The following UBA5 variants were observed in gnomAD, a reference collection of about 807,000 sequenced individuals.
The protein encoded by UBA5 is ubiquitin like modifier activating enzyme 5.
In UBA5, 28 loss-of-function variants were observed where a neutral mutation model predicts 52.9. That is an observed-to-expected ratio of 0.53 (90% CI 0.39 to 0.73). UBA5 has a LOEUF of 0.73. UBA5 is among the 30% of genes least tolerant of loss of function. The pLI is 0.00. For synonymous variants in UBA5, 135 were observed against 162.1 expected, an observed-to-expected ratio of 0.83 and a Z score of 1.27; for missense variants, 388 against 492.7, an observed-to-expected ratio of 0.79 and a Z score of 2.01.
chr3:132,674,358 C>G (rs905879133), intron 8 of UBA5, among the ~76,000 whole-genome samples: 2 of 152,054 alleles, frequency 1.3e-5, no homozygotes, highest in Non-Finnish European at 2.9e-5. Context: ...TTACTTTTAA[C>G]AAAAACTGCA....
chr3:132,676,388 C>A lies in UBA5; in HGVS notation c.1132-55C>A, dbSNP rs184862333. 3.1e-4 allele frequency: 420 copies of A among 1,373,250 alleles called. 4 individuals are homozygous for A. In the African/African-American group the frequency reaches 4.4e-3, roughly 14 times the overall value. The allele number at this position is 1,373,250 out of a possible 1,614,324, so 85.1% of individuals were successfully genotyped here. On this transcript the variant is annotated intron_variant, in intron 11 of 11. Coordinates refer to ENST00000356232, the MANE Select transcript of UBA5 (RefSeq NM_024818.6). The surrounding 1 kb of genome is among the most constrained non-coding windows in gnomAD (Gnocchi z 4.1). Reference sequence around the variant, plus strand: ...AACTTGCTGATTATATATTCCTAAGCATCAAGAATTCTATATGGTTCTTTT... The same window carrying A: ...AACTTGCTGATTATATATTCCTAAGAATCAAGAATTCTATATGGTTCTTTT...
intron 9 of UBA5, 61 bp from the exon 10 acceptor site, chr3:132,675,544 A>G: frequency 6.5e-7 from 1 of 1,541,748 alleles, no homozygotes; most frequent in Non-Finnish European, 8.8e-7. Flanking sequence ...TGAATTCTTG[A>G]TTAATGCTTT....
chr3:132,662,826 G>A (rs1308661566), intron 1 of UBA5, among the ~76,000 whole-genome samples: 1 of 152,158 alleles, frequency 6.6e-6, no homozygotes, highest in Non-Finnish European at 1.5e-5. Context: ...CTGATTTTGG[G>A]CAGTTGATTA....
intron 1 of UBA5, among the ~76,000 whole-genome samples, chr3:132,662,581 C>T (rs1938214037): frequency 6.6e-6 from 1 of 152,176 alleles, no homozygotes; most frequent in Admixed American, 6.5e-5. Flanking sequence ...TGTATGTGTT[C>T]AACACCATTT....
At chr3:132,675,470 A>G (rs1938796524) in intron 9 of UBA5, 87 bp downstream of exon 9, 3 of 1,540,574 alleles carry the variant, frequency 1.9e-6, no homozygotes, top group Non-Finnish European at 2.7e-6. Flanking sequence ...TAAATGGTTA[A>G]TTTATTCACC....
In UBA5 at chr3:132,678,735, C is replaced by T. The variant is rs1009283913; in HGVS notation, c.*2209C>T. ...CACGATCTCAGCTCACCACATCCTC[C>T]GCCTCCCAGGTTCAAGCGATTCTCC... On this transcript the variant is annotated 3_prime_UTR_variant, in exon 12 of 12. Coordinates refer to ENST00000356232, the MANE Select transcript of UBA5 (RefSeq NM_024818.6). Among the ~76,000 whole-genome samples the T allele has an allele frequency of 2.6e-5, 4 of 151,930 alleles. No homozygotes were observed. Among genetic ancestry groups the T allele is most frequent in the Admixed American group, 6.6e-5 (1 of 15,246 alleles).
At chr3:132,672,411 G>A (rs1938644530) in intron 8 of UBA5, among the ~76,000 whole-genome samples, 1 of 151,994 alleles carries the variant, frequency 6.6e-6, no homozygotes, top group African/African-American at 2.4e-5. Context: ...ATACATGTGT[G>A]CATATTCATA....
chr3:132,659,328 A>G, upstream of UBA5: 1 of 435,254 alleles, frequency 2.3e-6, no homozygotes, highest in East Asian at 4.9e-5. Context: ...GCCTTGGTGA[A>G]TCCTCAAGGG....
intron 8 of UBA5, among the ~76,000 whole-genome samples, chr3:132,674,859 A>G (rs906204997): frequency 1.3e-5 from 2 of 152,242 alleles, no homozygotes; most frequent in Non-Finnish European, 2.9e-5. Context: ...AAAATTAAGT[A>G]GCTTTCTTAA....
At chr3:132,673,647 C>T (rs1307851861) in intron 8 of UBA5, among the ~76,000 whole-genome samples, 2 of 151,274 alleles carry the variant, frequency 1.3e-5, no homozygotes, top group Admixed American at 1.3e-4. Flanking sequence ...TGTGCCCAGC[C>T]TAGAGTTTTC....
Position 132,675,679 on chromosome 3 carries a change from G to T in UBA5, c.1023G>T (p.Trp341Cys). Residue 341 changes from tryptophan to cysteine, a missense_variant and splice_region_variant, in exon 10 of 12, where the codon TGG becomes TGT. Trp to Cys is a radical substitution (Grantham distance 215, BLOSUM62 -2). Coordinates refer to ENST00000356232, the MANE Select transcript of UBA5 (RefSeq NM_024818.6). ...EEEIIHEDNEWGIELVSEVSE... is the reference protein window; with the variant it reads ...EEEIIHEDNECGIELVSEVSE... ...AGATAATCCATGAAGATAATGAATG[G>T]GGTAGGTATTCTTTTATAAATTGAA... 1 of 1,606,476 alleles carries T rather than the reference G, an allele frequency of 6.2e-7. No individual in the cohort carries two copies. Among genetic ancestry groups the T allele is most frequent in the South Asian group, 1.1e-5 (1 of 89,986 alleles).
chr3:132,664,609 A>G (rs1418101036), intron 1 of UBA5, among the ~76,000 whole-genome samples: 1 of 152,164 alleles, frequency 6.6e-6, no homozygotes, highest in Admixed American at 6.5e-5. Flanking sequence ...GTGGGTGATT[A>G]TAGGGTAGGG....
chr3:132,660,849 A>C lies in UBA5; in HGVS notation c.161+151A>C. 6.9e-7 allele frequency: 1 copy of C among 1,440,356 alleles called. No individual in the cohort carries two copies. The highest frequency in any genetic ancestry group is 1.5e-5 in the South Asian group (1 of 66,074). 89.2% of individuals were successfully genotyped at this position (1,440,356 alleles called of 1,614,324 possible). On this transcript the variant is annotated intron_variant, in intron 1 of 11. Transcript: ENST00000356232. This position sits in a 1 kb window ranked among gnomAD's most constrained non-coding sequence, Gnocchi z 4.1. ...CCTGTTCCCAAATGGGCAAGGCCAC[A>C]TCTTAGTACTGATCGGAAGATATTC...
intron 5 of UBA5, 51 bp from the exon 6 acceptor site, chr3:132,670,914 T>G (rs757242211): frequency 7.8e-7 from 1 of 1,289,276 alleles, no homozygotes. Flanking sequence ...TATAATGTAT[T>G]AGAGTGTATT....
chr3:132,675,604 GA>G lies in UBA5; in HGVS notation c.953del (p.Lys318ArgfsTer2). 4 of 1,609,446 alleles carry G rather than the reference GA, an allele frequency of 2.5e-6. No homozygotes were observed. The highest frequency in any genetic ancestry group is 1.3e-5 in the African/African-American group (1 of 74,756). Reference protein sequence around the residue: ...NCRKQQEEYKKKVAALPKQEV... With the variant: ...NCRKQQEEYKXKVAALPKQEV... ...ACTTTGATGCTGTTTGATTTCTACA[GA>G]AAAAGGTAGCAGCACTGCCTAAACA... On this transcript the variant is annotated frameshift_variant and splice_region_variant, in exon 10 of 12. Transcript: ENST00000356232. LOFTEE classifies it high-confidence loss of function.
rs1487418287 is a variant in UBA5 at position 132,677,064 on chromosome 3, C to T, written c.*538C>T. 2.3e-5 allele frequency: 6 copies of T among 265,568 alleles called. No individual in the cohort carries two copies. Among genetic ancestry groups the T allele is most frequent in the Admixed American group, 4.2e-5 (1 of 23,730 alleles). 16.5% of individuals were successfully genotyped at this position (265,568 alleles called of 1,614,324 possible). A position where few individuals can be genotyped will look rare whatever the true frequency, so the allele number is the denominator to read the frequency against. On this transcript the variant is annotated 3_prime_UTR_variant, in exon 12 of 12. Coordinates refer to ENST00000356232, the MANE Select transcript of UBA5 (RefSeq NM_024818.6). ...AAATAGTTAACCTATGAAATAACAT[C>T]CTCTCAAATGTTTGCTGATGAAGTA...
At position 132,660,806 on chromosome 3, in the gene UBA5, T is replaced by A. The variant is rs1325223560; in HGVS notation, c.161+108T>A. The A allele has an allele frequency of 6.9e-7, 1 of 1,448,208 alleles. No individual in the cohort carries two copies. Among genetic ancestry groups the A allele is most frequent in the Non-Finnish European group, 9.1e-7 (1 of 1,096,544 alleles). The allele number at this position is 1,448,208 out of a possible 1,614,324, so 89.7% of individuals were successfully genotyped here. A position where few individuals can be genotyped will look rare whatever the true frequency, so the allele number is the denominator to read the frequency against. On this transcript the variant is annotated intron_variant, in intron 1 of 11. Coordinates refer to ENST00000356232, the MANE Select transcript of UBA5 (RefSeq NM_024818.6). The surrounding 1 kb of genome is among the most constrained non-coding windows in gnomAD (Gnocchi z 4.1). ...CCGCTCATGGGGACGCCCGCCACCC[T>A]TTTCTTGGTCTGCGAATCCTGTTCC...
rs1044330384 is a variant in UBA5, at chr3:132,679,026, T to C, written c.*2500T>C. Reference sequence around the variant, plus strand: ...TTTCCCTTTCTGTAATCTCAGCACTTTGGGAGGCTGAGGTGGGTAGGTCAA... The same window carrying C: ...TTTCCCTTTCTGTAATCTCAGCACTCTGGGAGGCTGAGGTGGGTAGGTCAA... On this transcript the variant is annotated 3_prime_UTR_variant, in exon 12 of 12. Transcript: ENST00000356232. Among the ~76,000 whole-genome samples, 1 of 151,672 alleles carries C rather than the reference T, an allele frequency of 6.6e-6. No homozygotes were observed. The highest frequency in any genetic ancestry group is 2.4e-5 in the African/African-American group (1 of 41,280).
At chr3:132,656,413 T>A (rs975359419), upstream of UBA5, among the ~76,000 whole-genome samples, 2 of 152,160 alleles carry the variant, frequency 1.3e-5, no homozygotes, top group Non-Finnish European at 2.9e-5. Context: ...TCATGTTGAG[T>A]TATTTTTCAA....
Sources: allele counts gnomAD v4.1 joint callset (sites outside exome capture counted in the v4.1 genomes callset), GRCh38; gene constraint gnomAD v4.1.1; non-coding constraint Gnocchi (gnomAD v3.1); transcripts MANE v1.5; gene names NCBI Gene and HGNC (gene_info 2026-07-23, HGNC 2026-07-21).